The following GABBR2 variants were observed in gnomAD, a reference collection of about 807,000 sequenced individuals.
The protein encoded by GABBR2 is gamma-aminobutyric acid type B receptor subunit 2.
In GABBR2, 23 loss-of-function variants were observed where a neutral mutation model predicts 105.6. The observed-to-expected ratio is 0.22, with a 90% CI of 0.16 to 0.31. GABBR2 has a LOEUF of 0.31. GABBR2 is among the 10% of genes least tolerant of loss of function. The probability of loss-of-function intolerance (pLI) is 1.00; values close to 1 mark genes in which losing one functional copy is unlikely to be tolerated. For synonymous variants in GABBR2, 478 were observed against 499.7 expected, an observed-to-expected ratio of 0.96 and a Z score of 0.58; for missense variants, 734 against 1,245.5, an observed-to-expected ratio of 0.59 and a Z score of 6.18.
In GABBR2 at chr9:98,404,933, C is replaced by T. The variant is rs114800818; in HGVS notation, c.1297+1148G>A. On this transcript the variant is annotated intron_variant, in intron 8 of 18. Transcript: ENST00000259455. Reference sequence around the variant, plus strand: ...TCCAACAAATCATCTGTGAAGACATCGTTGAGATGATCAGGGGATCCACAC... The same window carrying T: ...TCCAACAAATCATCTGTGAAGACATTGTTGAGATGATCAGGGGATCCACAC... Among the ~76,000 whole-genome samples, 963 of 151,822 alleles carry T rather than the reference C, an allele frequency of 6.3e-3. 6 individuals carry two copies. The highest frequency in any genetic ancestry group is 0.022 in the African/African-American group (892 of 41,330).
At chr9:98,707,699 C>T (rs969620540) in intron 1 of GABBR2, among the ~76,000 whole-genome samples, 2 of 152,226 alleles carry the variant, frequency 1.3e-5, no homozygotes, top group African/African-American at 4.8e-5. Flanking sequence ...GCGGCGCGGC[C>T]GGACACCACT....
chr9:98,463,705 G>A (rs976235407), intron 6 of GABBR2, among the ~76,000 whole-genome samples: 7 of 151,230 alleles, frequency 4.6e-5, no homozygotes, highest in Admixed American at 6.6e-5. Context: ...CCGTGATCTC[G>A]GCTCGCTGCA....
intron 12 of GABBR2, among the ~76,000 whole-genome samples, chr9:98,367,082 C>A (rs1213966796): frequency 1.3e-5 from 2 of 151,682 alleles, no homozygotes; most frequent in African/African-American, 4.9e-5. Flanking sequence ...GTGTTAATAG[C>A]CTTTAATAGC....
intron 11 of GABBR2, among the ~76,000 whole-genome samples, chr9:98,375,647 A>T (rs550853988): frequency 6.6e-6 from 1 of 152,320 alleles, no homozygotes; most frequent in East Asian, 1.9e-4. Flanking sequence ...ATAGCAAAAG[A>T]GGCTGAGTTC....
chr9:98,532,010 A>G lies in GABBR2; in HGVS notation c.630+9863T>C, dbSNP rs76199799. ...GTGTAAGCATTAATTAGTATTTTCA[A>G]TTGAACGGTGTCACTTTTTAAACAG... On this transcript the variant is annotated intron_variant, in intron 3 of 18. Transcript: ENST00000259455. Among the ~76,000 whole-genome samples the G allele has an allele frequency of 6.3e-3, 953 of 152,326 alleles. 28 individuals carry two copies. The highest frequency in any genetic ancestry group is 0.047 in the Admixed American group (716 of 15,300).
chr9:98,394,143 G>A (rs1564049166), intron 9 of GABBR2, 32 bp downstream of exon 9: 4 of 1,490,982 alleles, frequency 2.7e-6, no homozygotes, highest in Non-Finnish European at 2.8e-6. Flanking sequence ...AACTGGGCAG[G>A]CCCCCTCCTC....
At chr9:98,332,016 T>C (rs1478352276) in intron 13 of GABBR2, among the ~76,000 whole-genome samples, 3 of 152,170 alleles carry the variant, frequency 2.0e-5, no homozygotes, top group Non-Finnish European at 4.4e-5. Flanking sequence ...TAGAGCTCTG[T>C]TGCCTATGGA....
chr9:98,593,466 A>G (rs546695375), intron 1 of GABBR2, among the ~76,000 whole-genome samples: 3 of 152,236 alleles, frequency 2.0e-5, no homozygotes, highest in African/African-American at 7.2e-5. Flanking sequence ...GATCAGAACA[A>G]GAGGAAGAGT....
At chr9:98,645,965 A>AGTG (rs1830024129) in intron 1 of GABBR2, among the ~76,000 whole-genome samples, 1 of 152,236 alleles carries the variant, frequency 6.6e-6, no homozygotes, top group Non-Finnish European at 1.5e-5. Flanking sequence ...TAACTTGCCC[A>AGTG]CAATTACCTA....
intron 1 of GABBR2, among the ~76,000 whole-genome samples, chr9:98,669,394 T>A (rs1830379071): frequency 1.3e-5 from 2 of 152,258 alleles, no homozygotes; most frequent in South Asian, 4.1e-4. Flanking sequence ...TTGGTCATTT[T>A]AATTAGGTTG....
At chr9:98,489,126 A>C (rs560345396) in intron 4 of GABBR2, among the ~76,000 whole-genome samples, 3 of 152,276 alleles carry the variant, frequency 2.0e-5, no homozygotes, top group African/African-American at 7.2e-5. Context: ...GTTCCTATAA[A>C]ACTTTATTTA....
rs1564026872 is a variant in GABBR2 at position 98,349,344 on chromosome 9, G to GTTTTTTTTTTTTTTTT, written c.1893+13370_1893+13371insAAAAAAAAAAAAAAAA. 2.8e-5 allele frequency among the ~76,000 whole-genome samples: 3 copies of GTTTTTTTTTTTTTTTT among 105,504 alleles called. 1 individual carries two copies. Among genetic ancestry groups the GTTTTTTTTTTTTTTTT allele is most frequent in the East Asian group, 6.0e-4 (2 of 3,338 alleles). The allele number at this position is 105,504 out of a possible 152,430, so 69.2% of individuals were successfully genotyped here. On this transcript the variant is annotated intron_variant, in intron 13 of 18. Transcript: ENST00000259455. The stretch of plus-strand genomic sequence containing the variant: ...TTTGGTTTGCCAATATTTTGTTGAA[G>GTTTTTTTTTTTTTTTT]TTTTGTTTTTTTTTTTTTTTTTTTT...
intron 1 of GABBR2, among the ~76,000 whole-genome samples, chr9:98,620,477 G>A (rs1432924299): frequency 6.6e-6 from 1 of 151,788 alleles, no homozygotes; most frequent in Non-Finnish European, 1.5e-5. Flanking sequence ...TGTATTTATG[G>A]GTTGTTTTAA....
At chr9:98,535,705 A>G (rs1828163587) in intron 3 of GABBR2, among the ~76,000 whole-genome samples, 1 of 152,108 alleles carries the variant, frequency 6.6e-6, no homozygotes, top group South Asian at 2.1e-4. Flanking sequence ...ACTAAAACTA[A>G]ACAAGCTATC....
chr9:98,362,193 G>A (rs912003182), intron 13 of GABBR2, among the ~76,000 whole-genome samples: 1 of 152,218 alleles, frequency 6.6e-6, no homozygotes, highest in Non-Finnish European at 1.5e-5. Context: ...AGACCAGTGC[G>A]AGTTCAGGGC....
rs1214303137 is a variant in GABBR2 at position 98,599,784 on chromosome 9, C to T, written c.322-21712G>A. Among the ~76,000 whole-genome samples the T allele has an allele frequency of 4.6e-5, 7 of 152,270 alleles. No individual in the cohort carries two copies. In the East Asian group the frequency reaches 1.4e-3, roughly 29 times the overall value. ...CCGCATGGCACCAGGAGGCTTTGGC[C>T]AAGTTGAGAAGAGGGGGACAGCACA... is the stretch of plus-strand genomic sequence containing the variant. On this transcript the variant is annotated intron_variant, in intron 1 of 18. Coordinates refer to ENST00000259455, the MANE Select transcript of GABBR2 (RefSeq NM_005458.8).
chr9:98,706,177 A>G (rs1830891763), intron 1 of GABBR2, among the ~76,000 whole-genome samples: 1 of 151,434 alleles, frequency 6.6e-6, no homozygotes, highest in African/African-American at 2.4e-5. Context: ...TAGTGCTTAC[A>G]GCATGCCAGA....
intron 3 of GABBR2, among the ~76,000 whole-genome samples, chr9:98,527,188 T>C (rs1407624477): frequency 6.6e-6 from 1 of 151,194 alleles, no homozygotes; most frequent in African/African-American, 2.4e-5. Context: ...TTTACATGTG[T>C]TAGCTGTTTT....
chr9:98,588,408 G>T (rs932145017), intron 1 of GABBR2, among the ~76,000 whole-genome samples: 2 of 152,222 alleles, frequency 1.3e-5, no homozygotes, highest in African/African-American at 4.8e-5. Context: ...ATTTACTGAA[G>T]TGTTAAATTT....
Sources: allele counts gnomAD v4.1 joint callset (sites outside exome capture counted in the v4.1 genomes callset), GRCh38; gene constraint gnomAD v4.1.1; transcripts MANE v1.5; gene names NCBI Gene and HGNC (gene_info 2026-07-23, HGNC 2026-07-21).